The following SPOCK3 variants were observed in gnomAD, a reference collection of about 807,000 sequenced individuals.
SPOCK3 encodes the protein testican-3.
A neutral mutation model predicts 56.6 loss-of-function variants in SPOCK3; 30 were observed. The ratio of observed to expected loss-of-function variants is 0.53; its 90% CI spans 0.40 to 0.72. The LOEUF is 0.72. Ranked by LOEUF, SPOCK3 falls within the 30% of genes least tolerant of loss-of-function variation. The pLI is 0.00. For missense variants in SPOCK3, 527 were observed against 530.0 expected, an observed-to-expected ratio of 0.99 and a Z score of 0.06; for synonymous variants, 196 against 183.3, an observed-to-expected ratio of 1.07 and a Z score of -0.56.
rs1233281946 is a variant in SPOCK3 at position 166,862,747 on chromosome 4, T to C, written c.589+26383A>G. Among the ~76,000 whole-genome samples, 5 of 152,228 alleles carry C rather than the reference T, an allele frequency of 3.3e-5. No individual in the cohort carries two copies. In the East Asian group the frequency reaches 9.6e-4, roughly 29 times the overall value. Reference sequence around the variant, plus strand: ...TGAAGATTGAACTAAATCCTTATCATTATTTTTCTTTCAAGAGCTTTCAAC... The same window carrying C: ...TGAAGATTGAACTAAATCCTTATCACTATTTTTCTTTCAAGAGCTTTCAAC... On this transcript the variant is annotated intron_variant, in intron 6 of 10. Coordinates refer to ENST00000357545, the MANE Select transcript of SPOCK3 (RefSeq NM_001040159.2).
intron 2 of SPOCK3, among the ~76,000 whole-genome samples, chr4:167,205,299 A>T (rs1220280184): frequency 2.4e-5 from 1 of 42,476 alleles, no homozygotes; most frequent in African/African-American, 9.1e-5. Context: ...TTATATCTAT[A>T]ATATATATTA....
At chr4:166,909,879 T>C (rs1041402126) in intron 5 of SPOCK3, among the ~76,000 whole-genome samples, 3 of 152,176 alleles carry the variant, frequency 2.0e-5, no homozygotes, top group Non-Finnish European at 2.9e-5. Flanking sequence ...TCAACTCTCA[T>C]AAGCAGATGT....
intron 6 of SPOCK3, among the ~76,000 whole-genome samples, chr4:166,817,156 T>G (rs1744459438): frequency 6.6e-6 from 1 of 152,056 alleles, no homozygotes. Context: ...CAGGGCAATG[T>G]GATAAGGGCC....
chr4:167,001,157 T>C (rs1748915693), intron 3 of SPOCK3, among the ~76,000 whole-genome samples: 1 of 152,192 alleles, frequency 6.6e-6, no homozygotes. Context: ...ATTTGGGCAG[T>C]TAAGTTTACA....
chr4:167,184,012 A>T (rs527752150), intron 2 of SPOCK3, among the ~76,000 whole-genome samples: 1 of 152,348 alleles, frequency 6.6e-6, no homozygotes, highest in East Asian at 1.9e-4. Flanking sequence ...GATGCTAATA[A>T]ATCAAAATGG....
chr4:166,792,052 T>C, intron 7 of SPOCK3, 118 bp downstream of exon 7: 1 of 1,173,502 alleles, frequency 8.5e-7, no homozygotes, highest in Non-Finnish European at 1.2e-6. Flanking sequence ...CGTTCTGATT[T>C]TTATTCAGTA....
chr4:167,160,386 A>G (rs1580472704), intron 2 of SPOCK3, among the ~76,000 whole-genome samples: 2 of 152,026 alleles, frequency 1.3e-5, no homozygotes, highest in South Asian at 4.1e-4. Context: ...TCAATGAAAT[A>G]AAAGAGGATA....
At chr4:167,230,047 G>A (rs1737000223) in intron 2 of SPOCK3, among the ~76,000 whole-genome samples, 1 of 151,842 alleles carries the variant, frequency 6.6e-6, no homozygotes. Context: ...AATTAGCATG[G>A]CCATCATTCC....
intron 6 of SPOCK3, among the ~76,000 whole-genome samples, chr4:166,861,538 G>T (rs771037072): frequency 7.9e-5 from 12 of 152,096 alleles, no homozygotes; most frequent in Non-Finnish European, 1.8e-4. Flanking sequence ...AGTGCCTTGA[G>T]CAATACGTTT....
At chr4:166,888,313 T>C (rs1278715292) in intron 6 of SPOCK3, among the ~76,000 whole-genome samples, 1 of 152,074 alleles carries the variant, frequency 6.6e-6, no homozygotes, top group Non-Finnish European at 1.5e-5. Flanking sequence ...CATCCAATAA[T>C]AATTATTAGA....
chr4:167,057,081 G>A (rs952222676), intron 3 of SPOCK3, among the ~76,000 whole-genome samples: 7 of 152,142 alleles, frequency 4.6e-5, no homozygotes, highest in South Asian at 2.1e-4. Flanking sequence ...GACTAACAGC[G>A]GATCTCTCGG....
intron 2 of SPOCK3, among the ~76,000 whole-genome samples, chr4:167,156,423 A>G (rs1764824159): frequency 6.6e-6 from 1 of 152,180 alleles, no homozygotes; most frequent in African/African-American, 2.4e-5. Flanking sequence ...ACACATATGT[A>G]CACATGCAAA....
intron 2 of SPOCK3, among the ~76,000 whole-genome samples, chr4:167,213,070 A>G (rs1735033584): frequency 6.6e-6 from 1 of 152,180 alleles, no homozygotes; most frequent in Admixed American, 6.6e-5. Context: ...ATTTACAGAA[A>G]TGTTAATACT....
chr4:166,924,560 C>A (rs1270454700), intron 4 of SPOCK3, among the ~76,000 whole-genome samples: 1 of 152,204 alleles, frequency 6.6e-6, no homozygotes, highest in Non-Finnish European at 1.5e-5. Flanking sequence ...TTTTTTCTGA[C>A]CAACTGGAGG....
chr4:166,850,657 A>G (rs1028763613), intron 6 of SPOCK3, among the ~76,000 whole-genome samples: 11 of 152,248 alleles, frequency 7.2e-5, no homozygotes. Flanking sequence ...TCACTCGGGA[A>G]GCGCAAGGGG....
chr4:167,114,568 A>G (rs1761172999), intron 2 of SPOCK3, among the ~76,000 whole-genome samples: 1 of 152,170 alleles, frequency 6.6e-6, no homozygotes, highest in Non-Finnish European at 1.5e-5. Context: ...GGAATCCAGT[A>G]TGGAGGAGTG....
Position 167,056,448 on chromosome 4 carries a change from C to T in SPOCK3, c.235+6044G>A, listed in dbSNP as rs553957695. Among the ~76,000 whole-genome samples the T allele has an allele frequency of 7.9e-5, 12 of 152,280 alleles. 1 individual carries two copies. The South Asian group carries it at 8.3e-4, about 11-fold the overall frequency. ...AAAGCTGGATGGAGAATGACTTTGA[C>T]GAGCTGAGAGAAGAAGGCTTCAGAC... On this transcript the variant is annotated intron_variant, in intron 3 of 10. Coordinates refer to ENST00000357545, the MANE Select transcript of SPOCK3 (RefSeq NM_001040159.2).
intron 8 of SPOCK3, among the ~76,000 whole-genome samples, chr4:166,752,930 C>T (rs1736610738): frequency 6.6e-6 from 1 of 151,880 alleles, no homozygotes; most frequent in South Asian, 2.1e-4. Context: ...TTCTGCTATG[C>T]ATTAAATGAC....
chr4:167,212,988 G>T (rs920724649), intron 2 of SPOCK3, among the ~76,000 whole-genome samples: 1 of 152,144 alleles, frequency 6.6e-6, no homozygotes, highest in Admixed American at 6.6e-5. Flanking sequence ...TAGAACATTT[G>T]GTTTGGCCAC....
Sources: allele counts gnomAD v4.1 joint callset (sites outside exome capture counted in the v4.1 genomes callset), GRCh38; gene constraint gnomAD v4.1.1; transcripts MANE v1.5; gene names NCBI Gene and HGNC (gene_info 2026-07-23, HGNC 2026-07-21).